The following DLGAP1 variants were observed in gnomAD, a reference collection of about 807,000 sequenced individuals.
DLGAP1 encodes DLG associated protein 1, also known as disks large-associated protein 1.
A neutral mutation model predicts 90.8 loss-of-function variants in DLGAP1; 11 were observed. The observed-to-expected ratio is 0.12, with a 90% CI of 0.08 to 0.20. The LOEUF is 0.20. Among genes scored for constraint, DLGAP1 ranks in the 10% least tolerant of loss-of-function variants. The pLI is 1.00. For missense variants in DLGAP1, 1,050 were observed against 1,333.8 expected, an observed-to-expected ratio of 0.79 and a Z score of 3.31; for synonymous variants, 558 against 540.7, an observed-to-expected ratio of 1.03 and a Z score of -0.44.
intron 2 of DLGAP1, among the ~76,000 whole-genome samples, chr18:4,033,452 G>T (rs2074832261): frequency 1.3e-5 from 2 of 152,106 alleles, no homozygotes; most frequent in African/African-American, 4.8e-5. Context: ...ACCAAGGCTT[G>T]CTATTATGGG....
In DLGAP1 at chr18:4,371,016, G is replaced by A. The variant is rs188098994; in HGVS notation, c.-267+83990C>T. 2.4e-4 allele frequency among the ~76,000 whole-genome samples: 37 copies of A among 152,284 alleles called. 2 individuals carry two copies. Among genetic ancestry groups the A allele is most frequent in the East Asian group, 1.7e-3 (9 of 5,174 alleles). Reference sequence around the variant, plus strand: ...CAGGCGTGTACGCATGCACACAGATGCATGCCATCAAAGTCAATAACAAAA... The same window carrying A: ...CAGGCGTGTACGCATGCACACAGATACATGCCATCAAAGTCAATAACAAAA... On this transcript the variant is annotated intron_variant, in intron 1 of 12. Transcript: ENST00000315677.
At chr18:3,685,542 C>T (rs1034385748) in intron 7 of DLGAP1, among the ~76,000 whole-genome samples, 12 of 119,596 alleles carry the variant, frequency 1.0e-4, no homozygotes, top group Non-Finnish European at 1.4e-4. Context: ...CCAGCCTGGG[C>T]GACAGAGCGA....
At chr18:3,638,220 T>G (rs1446824956) in intron 7 of DLGAP1, among the ~76,000 whole-genome samples, 1 of 151,166 alleles carries the variant, frequency 6.6e-6, no homozygotes, top group Non-Finnish European at 1.5e-5. Flanking sequence ...GTGCTGGGAT[T>G]ACAGGCGTGA....
intron 1 of DLGAP1, among the ~76,000 whole-genome samples, chr18:4,398,771 G>T (rs2082490886): frequency 6.6e-6 from 1 of 152,150 alleles, no homozygotes; most frequent in South Asian, 2.1e-4. Flanking sequence ...AAACCTGGAA[G>T]AATTTTTAGA....
intron 12 of DLGAP1, among the ~76,000 whole-genome samples, chr18:3,500,084 C>G (rs2049851361): frequency 6.6e-6 from 1 of 152,116 alleles, no homozygotes; most frequent in Non-Finnish European, 1.5e-5. Flanking sequence ...CAAGGTGACT[C>G]TGACTAGGGG....
chr18:3,687,970 G>A (rs1357255212), intron 7 of DLGAP1, among the ~76,000 whole-genome samples: 3 of 149,932 alleles, frequency 2.0e-5, no homozygotes, highest in Admixed American at 6.7e-5. Flanking sequence ...GCAGTGGTGC[G>A]ATCACGGCTC....
intron 4 of DLGAP1, chr18:3,874,371 T>C: frequency 6.7e-7 from 1 of 1,486,338 alleles, no homozygotes; most frequent in South Asian, 1.4e-5. Context: ...TACGGCTGAA[T>C]GAATGCAAAA....
intron 4 of DLGAP1, among the ~76,000 whole-genome samples, chr18:3,860,437 T>C (rs2069975190): frequency 6.6e-6 from 1 of 152,224 alleles, no homozygotes; most frequent in Non-Finnish European, 1.5e-5. Flanking sequence ...TAGGTATTTT[T>C]ATTATCTCCA....
At chr18:4,078,057 G>GT (rs927462667) in intron 2 of DLGAP1, among the ~76,000 whole-genome samples, 13 of 152,116 alleles carry the variant, frequency 8.5e-5, no homozygotes, top group African/African-American at 3.1e-4. Flanking sequence ...AAGGTTAAGA[G>GT]TTTTTTTCTA....
At chr18:3,573,979 A>G (rs942001879) in intron 8 of DLGAP1, among the ~76,000 whole-genome samples, 6 of 152,136 alleles carry the variant, frequency 3.9e-5, no homozygotes, top group Non-Finnish European at 8.8e-5. Flanking sequence ...TGGGATTACA[A>G]GTGTGAGCCA....
intron 4 of DLGAP1, chr18:3,822,023 A>AC: frequency 1.4e-5 from 13 of 898,328 alleles, no homozygotes; most frequent in South Asian, 5.2e-5. Flanking sequence ...TAGCAAAAAC[A>AC]GAAAAAAAAA....
rs142238843 is a variant in DLGAP1, at chr18:4,420,162, C to A, written c.-267+34844G>T. 4.5e-4 allele frequency among the ~76,000 whole-genome samples: 69 copies of A among 152,148 alleles called. 1 individual carries two copies. The East Asian group carries it at 0.013, about 29-fold the overall frequency. On this transcript the variant is annotated intron_variant, in intron 1 of 12. Coordinates refer to ENST00000315677, the MANE Select transcript of DLGAP1 (RefSeq NM_004746.4). ...AAGACATAACAATTCTAAATATGTA[C>A]CCTAGAGCTTTAAAAGATGTAAAGC...
chr18:3,833,196 T>C (rs375984194), intron 4 of DLGAP1, among the ~76,000 whole-genome samples: 3 of 50,404 alleles, frequency 6.0e-5, no homozygotes, highest in African/African-American at 2.4e-4. Context: ...CTTCCTTCCT[T>C]CCTTCCTTCC....
intron 3 of DLGAP1, among the ~76,000 whole-genome samples, chr18:3,943,450 G>GTT (rs2072811691): frequency 1.3e-5 from 1 of 76,660 alleles, no homozygotes; most frequent in Non-Finnish European, 2.5e-5. Flanking sequence ...TGAAAGAGAG[G>GTT]GTTTTTTTTT....
chr18:4,136,442 T>C (rs2076402916), intron 2 of DLGAP1, among the ~76,000 whole-genome samples: 1 of 152,198 alleles, frequency 6.6e-6, no homozygotes, highest in African/African-American at 2.4e-5. Flanking sequence ...TTAACTAGGG[T>C]AAGATGGTAT....
chr18:4,145,457 T>C lies in DLGAP1; in HGVS notation c.-159+5723A>G, dbSNP rs2076569283. The stretch of plus-strand genomic sequence containing the variant: ...ACAGGATTAAATCCTGGGCTAAGAT[T>C]GATGAAATATTCCAGCAAAACTTTA... On this transcript the variant is annotated intron_variant, in intron 2 of 12. Transcript: ENST00000315677. Among the ~76,000 whole-genome samples, 3 of 152,184 alleles carry C rather than the reference T, an allele frequency of 2.0e-5. No homozygotes were observed. The South Asian group carries it at 6.2e-4, about 32-fold the overall frequency.
chr18:4,377,223 A>G (rs1184112509), intron 1 of DLGAP1, among the ~76,000 whole-genome samples: 2 of 152,120 alleles, frequency 1.3e-5, no homozygotes, highest in East Asian at 1.9e-4. Context: ...GATGCACAAG[A>G]GAATAAGAAA....
intron 5 of DLGAP1, among the ~76,000 whole-genome samples, chr18:3,789,315 G>A (rs2148207203): frequency 6.6e-6 from 1 of 152,364 alleles, no homozygotes; most frequent in East Asian, 1.9e-4. Flanking sequence ...ACAAGTAAGA[G>A]TCTGAGCATG....
chr18:4,312,184 C>T (rs2080417765), intron 1 of DLGAP1, among the ~76,000 whole-genome samples: 2 of 152,266 alleles, frequency 1.3e-5, no homozygotes, highest in African/African-American at 2.4e-5. Flanking sequence ...ATTTTCTAAG[C>T]GATAATTCAG....
Sources: gnomAD v4.1 joint callset for allele counts (sites outside exome capture counted in the v4.1 genomes callset) on GRCh38, gnomAD v4.1.1 for gene constraint, MANE v1.5 for transcripts, NCBI Gene and HGNC (gene_info 2026-07-23, HGNC 2026-07-21) for gene names.